The following PDZD2 variants were observed in gnomAD, a reference collection of about 807,000 sequenced individuals.
PDZD2 encodes PDZ domain containing 2, also known as PDZ domain-containing protein 2.
Under a neutral mutation model 220.7 loss-of-function variants are expected in PDZD2, and 90 were observed. That is an observed-to-expected ratio of 0.41 (90% CI 0.34 to 0.49). The LOEUF is 0.49. Among genes scored for constraint, PDZD2 ranks in the 20% least tolerant of loss-of-function variants. The pLI is 0.28. For missense variants in PDZD2, 3,174 were observed against 3,608.5 expected, an observed-to-expected ratio of 0.88 and a Z score of 3.08; for synonymous variants, 1,375 against 1,450.5, an observed-to-expected ratio of 0.95 and a Z score of 1.18.
intron 1 of PDZD2, among the ~76,000 whole-genome samples, chr5:31,667,406 G>A (rs1746038596): frequency 6.6e-6 from 1 of 152,030 alleles, no homozygotes; most frequent in Non-Finnish European, 1.5e-5. Flanking sequence ...CAGAGAATGT[G>A]CAATAAAACT....
intron 3 of PDZD2, among the ~76,000 whole-genome samples, chr5:31,989,502 A>G (rs1751041980): frequency 6.9e-6 from 1 of 144,370 alleles, no homozygotes; most frequent in South Asian, 2.2e-4. Context: ...GGCTCGCTGC[A>G]GCCTCTGCCT....
chr5:31,725,388 A>T (rs2054371669), intron 1 of PDZD2, among the ~76,000 whole-genome samples: 1 of 152,072 alleles, frequency 6.6e-6, no homozygotes, highest in Non-Finnish European at 1.5e-5. Context: ...TATTGTTTTA[A>T]TTATAACCAT....
At chr5:31,911,829 C>T (rs1488518572) in intron 2 of PDZD2, among the ~76,000 whole-genome samples, 9 of 152,228 alleles carry the variant, frequency 5.9e-5, no homozygotes, top group Non-Finnish European at 1.0e-4. Flanking sequence ...TTCTGCCATG[C>T]TCCTCAGAAG....
intron 6 of PDZD2, among the ~76,000 whole-genome samples, chr5:32,020,811 A>AT (rs1187468311): frequency 1.3e-5 from 2 of 151,704 alleles, no homozygotes; most frequent in Admixed American, 6.6e-5. Flanking sequence ...TTCCTGGCTA[A>AT]TTTTTTGTAT....
chr5:31,847,269 G>T, intron 2 of PDZD2: 1 of 294,798 alleles, frequency 3.4e-6, no homozygotes. Context: ...CTGTTCTGTA[G>T]GGTGGGGTTT....
chr5:32,011,118 G>A (rs575024093), intron 6 of PDZD2, among the ~76,000 whole-genome samples: 1 of 151,698 alleles, frequency 6.6e-6, no homozygotes, highest in Admixed American at 6.6e-5. Context: ...GCTATGCCTT[G>A]CTGGTGTGTT....
intron 2 of PDZD2, among the ~76,000 whole-genome samples, chr5:31,928,256 G>A (rs1744961586): frequency 6.6e-6 from 1 of 151,992 alleles, no homozygotes; most frequent in Admixed American, 6.6e-5. Flanking sequence ...AGTAAGATTT[G>A]GTCACACCAG....
At chr5:31,850,530 G>A (rs1457882618) in intron 2 of PDZD2, among the ~76,000 whole-genome samples, 1 of 151,548 alleles carries the variant, frequency 6.6e-6, no homozygotes, top group Non-Finnish European at 1.5e-5. Flanking sequence ...TTAGGATGGA[G>A]TCTGATAGAT....
intron 2 of PDZD2, among the ~76,000 whole-genome samples, chr5:31,909,843 G>A (rs1018350763): frequency 3.9e-5 from 6 of 152,074 alleles, no homozygotes; most frequent in Admixed American, 6.6e-5. Context: ...GGTGTATTGC[G>A]TTCCATCTTT....
chr5:31,913,207 G>A (rs1420078532), intron 2 of PDZD2, among the ~76,000 whole-genome samples: 1 of 152,118 alleles, frequency 6.6e-6, no homozygotes, highest in East Asian at 1.9e-4. Context: ...TGGGCGTGGT[G>A]GCACATGCCT....
At chr5:31,649,978 CAA>C (rs2150106048) in intron 1 of PDZD2, among the ~76,000 whole-genome samples, 1 of 141,032 alleles carries the variant, frequency 7.1e-6, no homozygotes, top group South Asian at 2.4e-4. Context: ...AGTCTCAGGG[CAA>C]ATCGGAAAAA....
chr5:31,962,066 A>G (rs79688086), intron 2 of PDZD2, among the ~76,000 whole-genome samples: 3,450 of 152,328 alleles, frequency 0.023, 139 homozygotes, highest in African/African-American at 0.08. Context: ...GCCATATGAA[A>G]GGGCCTTGTA....
At chr5:31,933,223 T>A (rs1373627098) in intron 2 of PDZD2, among the ~76,000 whole-genome samples, 2 of 152,204 alleles carry the variant, frequency 1.3e-5, no homozygotes, top group Admixed American at 6.5e-5. Context: ...GCATAGTTTC[T>A]TTTCAAAACT....
chr5:32,007,768 C>T (rs974980395), intron 5 of PDZD2, among the ~76,000 whole-genome samples: 1 of 152,250 alleles, frequency 6.6e-6, no homozygotes, highest in Non-Finnish European at 1.5e-5. Flanking sequence ...GGTAGCTCTT[C>T]TTGCTCTCTT....
Position 32,088,157 on chromosome 5 carries a change from G to GA in PDZD2, c.4710dup (p.Ala1571SerfsTer30). On this transcript the variant is annotated frameshift_variant, in exon 20 of 25. Coordinates refer to ENST00000438447, the MANE Select transcript of PDZD2 (RefSeq NM_178140.4). LOFTEE classifies it high-confidence loss of function. This position sits in a 1 kb window ranked among gnomAD's most constrained non-coding sequence, Gnocchi z 4.6. The stretch of plus-strand genomic sequence containing the variant: ...CCTGAGTCACTCACTGAAGCCCCAC[G>GA]AGCTTCTGCCAGGGACGGCTGGTCC... The GA allele has an allele frequency of 6.2e-7, 1 of 1,614,148 alleles. No individual in the cohort carries two copies. Among genetic ancestry groups the GA allele is most frequent in the Non-Finnish European group, 8.5e-7 (1 of 1,180,018 alleles).
chr5:31,665,644 T>TCCCCC (rs5867091), intron 1 of PDZD2, among the ~76,000 whole-genome samples: 31 of 119,072 alleles, frequency 2.6e-4, no homozygotes, highest in South Asian at 5.8e-4. Flanking sequence ...AAGTTCCCCC[T>TCCCCC]CCCCCCCCTC....
At chr5:31,716,308 C>T (rs1580611194) in intron 1 of PDZD2, among the ~76,000 whole-genome samples, 2 of 152,252 alleles carry the variant, frequency 1.3e-5, no homozygotes, top group Admixed American at 6.5e-5. Context: ...GAGACACAGA[C>T]ATGGAAATGG....
At chr5:31,777,744 G>A (rs1315798965) in intron 1 of PDZD2, among the ~76,000 whole-genome samples, 1 of 152,040 alleles carries the variant, frequency 6.6e-6, no homozygotes, top group Non-Finnish European at 1.5e-5. Context: ...CTAGCTAAAG[G>A]ATTGTAAATG....
chr5:32,010,506 T>A, intron 6 of PDZD2, 24 bp downstream of exon 6: 1 of 1,581,366 alleles, frequency 6.3e-7, no homozygotes, highest in South Asian at 1.1e-5. Context: ...TGCTCCTGGC[T>A]TTCTGTTGGA....
Sources: allele counts gnomAD v4.1 joint callset (sites outside exome capture counted in the v4.1 genomes callset), GRCh38; gene constraint gnomAD v4.1.1; non-coding constraint Gnocchi (gnomAD v3.1); transcripts MANE v1.5; gene names NCBI Gene and HGNC (gene_info 2026-07-23, HGNC 2026-07-21).